The following TMEM178B variants were observed in gnomAD, a reference collection of about 807,000 sequenced individuals.
The protein encoded by TMEM178B is transmembrane protein 178B.
A neutral mutation model predicts 31.0 loss-of-function variants in TMEM178B; 5 were observed. The ratio of observed to expected loss-of-function variants is 0.16; its 90% CI spans 0.08 to 0.34. The LOEUF is 0.34. Ranked by LOEUF, TMEM178B falls within the 10% of genes least tolerant of loss-of-function variation. The pLI is 1.00. For missense variants in TMEM178B, 275 were observed against 400.3 expected, an observed-to-expected ratio of 0.69 and a Z score of 2.67; for synonymous variants, 164 against 164.0, an observed-to-expected ratio of 1.00 and a Z score of 0.00.
chr7:141,346,245 AAAAC>A (rs1799618978), intron 2 of TMEM178B, among the ~76,000 whole-genome samples: 1 of 152,098 alleles, frequency 6.6e-6, no homozygotes, highest in Non-Finnish European at 1.5e-5. Context: ...AAAAAACCAA[AAAAC>A]AAACAAAAAA....
intron 1 of TMEM178B, among the ~76,000 whole-genome samples, chr7:141,180,545 G>A (rs1796510836): frequency 6.6e-6 from 1 of 151,376 alleles, no homozygotes; most frequent in African/African-American, 2.4e-5. Flanking sequence ...ATTTGTTCCA[G>A]CCCTGTCTTC....
chr7:141,490,383 G>A, the TMEM178B span, among the ~76,000 whole-genome samples: 2 of 152,192 alleles, frequency 1.3e-5, no homozygotes, highest in Non-Finnish European at 2.9e-5. Context: ...TTTGGACACA[G>A]AGACGTGCAC....
chr7:141,097,728 T>C (rs1448332678), intron 1 of TMEM178B, among the ~76,000 whole-genome samples: 1 of 152,054 alleles, frequency 6.6e-6, no homozygotes, highest in Non-Finnish European at 1.5e-5. Context: ...TTACTCATCA[T>C]ATACTTATTT....
chr7:141,332,866 T>G (rs1799320552), intron 2 of TMEM178B, among the ~76,000 whole-genome samples: 1 of 152,266 alleles, frequency 6.6e-6, no homozygotes, highest in Admixed American at 6.5e-5. Context: ...TTCATTGTTT[T>G]GGGAACTGAC....
chr7:141,095,864 C>T (rs1460490072), intron 1 of TMEM178B, among the ~76,000 whole-genome samples: 1 of 152,198 alleles, frequency 6.6e-6, no homozygotes, highest in East Asian at 1.9e-4. Flanking sequence ...AGGATGCTGC[C>T]TCACGGTGCT....
chr7:141,134,944 G>A (rs1278163790), intron 1 of TMEM178B, among the ~76,000 whole-genome samples: 1 of 152,162 alleles, frequency 6.6e-6, no homozygotes, highest in South Asian at 2.1e-4. Flanking sequence ...GAATCATGGG[G>A]GTAGGTCTTT....
At chr7:141,381,761 C>G (rs1800320195) in intron 2 of TMEM178B, among the ~76,000 whole-genome samples, 1 of 152,146 alleles carries the variant, frequency 6.6e-6, no homozygotes, top group Admixed American at 6.6e-5. Context: ...AGTTCAGATC[C>G]CCCCCTTTTG....
At chr7:141,274,384 A>G (rs990344959) in intron 2 of TMEM178B, among the ~76,000 whole-genome samples, 2 of 152,182 alleles carry the variant, frequency 1.3e-5, no homozygotes, top group African/African-American at 2.4e-5. Flanking sequence ...TTCTGGTTCT[A>G]TTAGCAGCAT....
At chr7:141,263,200 G>A (rs551584668) in intron 2 of TMEM178B, among the ~76,000 whole-genome samples, 1 of 152,336 alleles carries the variant, frequency 6.6e-6, no homozygotes, top group East Asian at 1.9e-4. Flanking sequence ...GAGGATTTCA[G>A]ACGTTGTTGT....
rs1004848532 is a variant in TMEM178B at position 141,470,462 on chromosome 7, C to A, written c.635-74C>A. 17 of 1,367,940 alleles carry A rather than the reference C, an allele frequency of 1.2e-5. No homozygotes were observed. In the African/African-American group the frequency reaches 1.8e-4, roughly 14 times the overall value. 84.7% of individuals were successfully genotyped at this position (1,367,940 alleles called of 1,614,324 possible). Reference sequence around the variant, plus strand: ...TGAAAATGTAATAATATTAACTTTTCTCTTTCTCTCTCCCGCTCCTCTCCC... The same window carrying A: ...TGAAAATGTAATAATATTAACTTTTATCTTTCTCTCTCCCGCTCCTCTCCC... On this transcript the variant is annotated intron_variant, in intron 3 of 3. Coordinates refer to ENST00000565468, the MANE Select transcript of TMEM178B (RefSeq NM_001195278.2).
chr7:141,287,234 C>A (rs1798460860), intron 2 of TMEM178B, among the ~76,000 whole-genome samples: 1 of 152,006 alleles, frequency 6.6e-6, no homozygotes, highest in Non-Finnish European at 1.5e-5. Flanking sequence ...ACATTTAGAG[C>A]CAAATTAGTG....
chr7:141,453,237 G>A (rs1801901307), intron 3 of TMEM178B, among the ~76,000 whole-genome samples: 2 of 152,310 alleles, frequency 1.3e-5, no homozygotes, highest in Admixed American at 6.5e-5. Flanking sequence ...CTCCTTGGTG[G>A]CAGGGGCTCC....
chr7:141,460,367 GGA>G (rs1455868509), intron 3 of TMEM178B, among the ~76,000 whole-genome samples: 1 of 152,134 alleles, frequency 6.6e-6, no homozygotes, highest in Non-Finnish European at 1.5e-5. Context: ...CCTCTTATAA[GGA>G]CACCTGTCAA....
chr7:141,229,414 C>T (rs1797404846), intron 2 of TMEM178B, among the ~76,000 whole-genome samples: 1 of 152,218 alleles, frequency 6.6e-6, no homozygotes, highest in Admixed American at 6.5e-5. Context: ...TCCCTGTAAC[C>T]ACCTACCCCA....
intron 1 of TMEM178B, among the ~76,000 whole-genome samples, chr7:141,086,418 T>G (rs1794788800): frequency 6.6e-6 from 1 of 152,244 alleles, no homozygotes. Context: ...TATTATTACA[T>G]GAAGCATATG....
In TMEM178B at chr7:141,261,715, A is replaced by G. The variant is rs141291675; in HGVS notation, c.496+49011A>G. ...CCATCACAACTTCAGGAAGTAGCAC[A>G]AGGGCCAGGGAAAGAAAAGTGGAGT... is the stretch of plus-strand genomic sequence containing the variant. On this transcript the variant is annotated intron_variant, in intron 2 of 3. Transcript: ENST00000565468. Among the ~76,000 whole-genome samples, 1,248 of 152,252 alleles carry G rather than the reference A, an allele frequency of 8.2e-3. 6 individuals are homozygous for G. Among genetic ancestry groups the G allele is most frequent in the Non-Finnish European group, 0.011 (759 of 68,016 alleles).
the TMEM178B span, among the ~76,000 whole-genome samples, chr7:141,496,706 GGAAAA>G: frequency 2.7e-5 from 4 of 148,268 alleles, no homozygotes; most frequent in Non-Finnish European, 4.4e-5. Flanking sequence ...TCTGTAGAAG[GGAAAA>G]GAAGACATGA....
chr7:141,406,016 C>G (rs1407002681), intron 2 of TMEM178B, among the ~76,000 whole-genome samples: 1 of 152,188 alleles, frequency 6.6e-6, no homozygotes, highest in Non-Finnish European at 1.5e-5. Flanking sequence ...TTTCCTAAAA[C>G]TGGGCTGTTC....
intron 3 of TMEM178B, among the ~76,000 whole-genome samples, chr7:141,449,993 A>G (rs1003401934): frequency 6.6e-6 from 1 of 152,196 alleles, no homozygotes; most frequent in Non-Finnish European, 1.5e-5. Context: ...TCATCCTAAC[A>G]GAGTCTGGGC....
Sources: allele counts gnomAD v4.1 joint callset (sites outside exome capture counted in the v4.1 genomes callset), GRCh38; gene constraint gnomAD v4.1.1; transcripts MANE v1.5; gene names NCBI Gene and HGNC (gene_info 2026-07-23, HGNC 2026-07-21).